CAST: variants seen among roughly 807,000 people sequenced by gnomAD.
CAST encodes the protein calpastatin.
In CAST, 76 loss-of-function variants were observed where a neutral mutation model predicts 119.6. That is an observed-to-expected ratio of 0.64 (90% CI 0.53 to 0.77). The LOEUF (loss-of-function observed/expected upper bound fraction) is 0.77, where lower values mean the gene tolerates loss of function less well. Among genes scored for constraint, CAST ranks in the 30% least tolerant of loss-of-function variants. The pLI is 0.00. For synonymous variants in CAST, 319 were observed against 331.6 expected (o/e 0.96, Z 0.41); for missense variants, 953 against 946.5 (o/e 1.01, Z -0.09).
chr5:96,172,165 G>A, the CAST span, among the ~76,000 whole-genome samples: 132 of 152,360 alleles, frequency 8.7e-4, no homozygotes, highest in African/African-American at 3.0e-3. Context: ...GGCTGGCAGG[G>A]GCGGGGATCA....
upstream of CAST, among the ~76,000 whole-genome samples, chr5:96,521,637 T>G (rs1299942746): frequency 6.6e-6 from 1 of 152,226 alleles, no homozygotes; most frequent in Non-Finnish European, 1.5e-5. Flanking sequence ...TATTTGTCTC[T>G]CACTCTTTCT....
At chr5:96,400,615 C>A in the CAST span, among the ~76,000 whole-genome samples, 1 of 152,218 alleles carries the variant, frequency 6.6e-6, no homozygotes, top group South Asian at 2.1e-4. Context: ...GCCTTGACTT[C>A]CTTCTTAGGA....
intron 2 of CAST, among the ~76,000 whole-genome samples, chr5:96,684,979 GTT>G (rs1751902995): frequency 1.5e-5 from 1 of 65,424 alleles, no homozygotes; most frequent in South Asian, 5.2e-4. Context: ...TATACAAAAT[GTT>G]GTATCATTGG....
intron 1 of CAST, among the ~76,000 whole-genome samples, chr5:96,570,470 G>A (rs1411213065): frequency 2.0e-5 from 3 of 151,988 alleles, no homozygotes; most frequent in Non-Finnish European, 4.4e-5. Context: ...CTCAAAGAAG[G>A]GCAATTAATA....
intron 1 of CAST, among the ~76,000 whole-genome samples, chr5:96,556,556 A>G (rs1470519208): frequency 6.6e-6 from 1 of 152,240 alleles, no homozygotes; most frequent in Non-Finnish European, 1.5e-5. Flanking sequence ...GAACTATGTG[A>G]CCAATGCACA....
At chr5:96,068,129 G>A in the CAST span, among the ~76,000 whole-genome samples, 55 of 152,222 alleles carry the variant, frequency 3.6e-4, no homozygotes, top group Middle Eastern at 3.4e-3. Flanking sequence ...CATAACTTAC[G>A]TGCACATCTA....
the CAST span, among the ~76,000 whole-genome samples, chr5:96,021,510 A>T: frequency 4.0e-5 from 6 of 151,662 alleles, no homozygotes; most frequent in Non-Finnish European, 8.8e-5. Flanking sequence ...CAGTGGCGCG[A>T]TCTCTGCTCA....
At chr5:96,383,333 T>C in the CAST span, among the ~76,000 whole-genome samples, 1 of 152,204 alleles carries the variant, frequency 6.6e-6, no homozygotes, top group Non-Finnish European at 1.5e-5. Context: ...AGTGTGCTAG[T>C]GTGCTAATGT....
At chr5:96,645,057 G>A (rs988021195) in intron 1 of CAST, among the ~76,000 whole-genome samples, 3 of 151,916 alleles carry the variant, frequency 2.0e-5, no homozygotes, top group African/African-American at 7.2e-5. Flanking sequence ...TTTGTTGGAG[G>A]TCCCAATCCA....
the CAST span, among the ~76,000 whole-genome samples, chr5:96,454,150 G>A: frequency 6.6e-6 from 1 of 152,018 alleles, no homozygotes; most frequent in South Asian, 2.1e-4. Flanking sequence ...CTATCTATGT[G>A]TTGTTCTTAA....
At chr5:96,403,278 AT>A in the CAST span, among the ~76,000 whole-genome samples, 1 of 152,042 alleles carries the variant, frequency 6.6e-6, no homozygotes, top group East Asian at 1.9e-4. Flanking sequence ...TTTTATTATT[AT>A]TATACTTTAA....
intron 1 of CAST, among the ~76,000 whole-genome samples, chr5:96,556,017 A>T (rs1746231316): frequency 6.6e-6 from 1 of 152,224 alleles, no homozygotes; most frequent in South Asian, 2.1e-4. Context: ...CAAAACTTCC[A>T]GAGGAACAAT....
the CAST span, among the ~76,000 whole-genome samples, chr5:96,004,377 A>G: frequency 6.6e-6 from 1 of 152,248 alleles, no homozygotes; most frequent in Non-Finnish European, 1.5e-5. Context: ...ACTTGTTCCT[A>G]GGAAATGCAC....
At position 96,750,610 on chromosome 5, in the gene CAST, T is replaced by C. The variant is rs1372654254; in HGVS notation, c.1452T>C (p.Ala484=). 6.2e-7 allele frequency: 1 copy of C among 1,613,034 alleles called. No individual in the cohort carries two copies. The highest frequency in any genetic ancestry group is 8.5e-7 in the Non-Finnish European group (1 of 1,179,238). The change falls in exon 20 of 32, where the codon GCT becomes GCC. Residue 484 remains alanine, a synonymous_variant. Transcript: ENST00000675179. ...KTEESKAAAP[A]PVSEAVCRTS... ...AGGAATCTAAGGCCGCTGCTCCAGC[T>C]CCTGTGTCGGAGGCTGTGTGTCGGA... is the stretch of plus-strand genomic sequence containing the variant.
chr5:96,662,685 G>T (rs1314418809), intron 1 of CAST, among the ~76,000 whole-genome samples, 188 bp downstream of exon 1: 2 of 102,466 alleles, frequency 2.0e-5, no homozygotes, highest in Non-Finnish European at 3.9e-5. Flanking sequence ...CGGTTCCCCG[G>T]CCGGGTCCAG....
At chr5:96,252,577 G>A in the CAST span, among the ~76,000 whole-genome samples, 2,428 of 152,156 alleles carry the variant, frequency 0.016, 34 homozygotes, top group Non-Finnish European at 0.028. Context: ...GGAAATTGAC[G>A]CTCACAGAGT....
chr5:96,371,053 A>G, the CAST span, among the ~76,000 whole-genome samples: 152 of 152,292 alleles, frequency 1.0e-3, 1 homozygote, highest in African/African-American at 3.5e-3. Flanking sequence ...GGCCCATGAA[A>G]TACACCTGTG....
chr5:96,518,299 C>T, the CAST span, among the ~76,000 whole-genome samples: 3 of 152,290 alleles, frequency 2.0e-5, no homozygotes, highest in South Asian at 6.2e-4. Context: ...TATTATATCA[C>T]TGAGATTCAT....
At chr5:96,491,518 A>G in the CAST span, among the ~76,000 whole-genome samples, 1 of 146,892 alleles carries the variant, frequency 6.8e-6, no homozygotes, top group African/African-American at 2.5e-5. Context: ...AAAAAAAAAA[A>G]AAAAAAATTA....
Sources: allele counts gnomAD v4.1 joint callset (sites outside exome capture counted in the v4.1 genomes callset), GRCh38; gene constraint gnomAD v4.1.1; transcripts MANE v1.5; gene names NCBI Gene and HGNC (gene_info 2026-07-23, HGNC 2026-07-21).